The following KCNT2 variants were observed in gnomAD, a reference collection of about 807,000 sequenced individuals.
KCNT2 encodes the protein potassium channel subfamily T member 2.
KCNT2 carries 67 observed loss-of-function variants against 153.8 expected under a neutral mutation model. That is an observed-to-expected ratio of 0.44 (90% CI 0.36 to 0.53). The LOEUF (loss-of-function observed/expected upper bound fraction) is 0.53, where lower values mean the gene tolerates loss of function less well. Ranked by LOEUF, KCNT2 falls within the 20% of genes least tolerant of loss-of-function variation. KCNT2 has a pLI of 0.00. For synonymous variants in KCNT2, 500 were observed against 458.8 expected, an observed-to-expected ratio of 1.09 and a Z score of -1.15; for missense variants, 975 against 1,354.8, an observed-to-expected ratio of 0.72 and a Z score of 4.40.
intron 26 of KCNT2, among the ~76,000 whole-genome samples, chr1:196,248,612 C>T (rs1655661286): frequency 6.6e-6 from 1 of 152,046 alleles, no homozygotes; most frequent in African/African-American, 2.4e-5. Flanking sequence ...AATCCAAAAC[C>T]TAAACAGACC....
At chr1:196,537,146 GTC>G (rs1396640856) in intron 1 of KCNT2, among the ~76,000 whole-genome samples, 10 of 152,156 alleles carry the variant, frequency 6.6e-5, no homozygotes, top group Non-Finnish European at 1.2e-4. Flanking sequence ...TAGAAAGGTT[GTC>G]TCAGCCTCAT....
chr1:196,395,215 A>T (rs1670829387), intron 13 of KCNT2, among the ~76,000 whole-genome samples: 1 of 151,514 alleles, frequency 6.6e-6, no homozygotes, highest in South Asian at 2.1e-4. Context: ...GTTAGACTCT[A>T]AATGTTATTT....
At chr1:196,235,629 G>C (rs939393838) in intron 27 of KCNT2, among the ~76,000 whole-genome samples, 1 of 151,260 alleles carries the variant, frequency 6.6e-6, no homozygotes. Context: ...ACCAATCACA[G>C]TTTGGCTTTT....
At chr1:196,263,346 T>A (rs1657204822) in intron 25 of KCNT2, among the ~76,000 whole-genome samples, 1 of 152,048 alleles carries the variant, frequency 6.6e-6, no homozygotes, top group Non-Finnish European at 1.5e-5. Flanking sequence ...GGGACATGGA[T>A]GAAGCTGGAA....
intron 3 of KCNT2, 59 bp downstream of exon 3, chr1:196,489,779 G>A: frequency 1.1e-6 from 1 of 919,704 alleles, no homozygotes; most frequent in Non-Finnish European, 1.7e-6. Context: ...AATTTAAAAT[G>A]TGATACAACT....
At chr1:196,254,642 A>C (rs1656300946) in intron 26 of KCNT2, among the ~76,000 whole-genome samples, 1 of 151,548 alleles carries the variant, frequency 6.6e-6, no homozygotes, top group Non-Finnish European at 1.5e-5. Flanking sequence ...TGATGGTCTT[A>C]TTATTACTAC....
intron 22 of KCNT2, among the ~76,000 whole-genome samples, chr1:196,303,103 C>CAG (rs1182811571): frequency 6.6e-6 from 1 of 151,832 alleles, no homozygotes; most frequent in African/African-American, 2.4e-5. Flanking sequence ...TAAATCCTTT[C>CAG]TCTGTCAAAA....
intron 12 of KCNT2, among the ~76,000 whole-genome samples, chr1:196,416,416 A>G (rs1672756645): frequency 6.6e-6 from 1 of 152,074 alleles, no homozygotes; most frequent in Non-Finnish European, 1.5e-5. Context: ...AAAAGAAATT[A>G]GTGCATAGTA....
intron 12 of KCNT2, among the ~76,000 whole-genome samples, chr1:196,401,708 G>A (rs1671428901): frequency 6.6e-6 from 1 of 151,494 alleles, no homozygotes; most frequent in Non-Finnish European, 1.5e-5. Flanking sequence ...CGGTAAAAAG[G>A]TCTTACATAA....
At chr1:196,571,010 A>G (rs1191719681) in intron 1 of KCNT2, among the ~76,000 whole-genome samples, 1 of 152,100 alleles carries the variant, frequency 6.6e-6, no homozygotes, top group Non-Finnish European at 1.5e-5. Flanking sequence ...CCCATATGGC[A>G]GACTACCTAT....
chr1:196,562,740 C>A (rs1323854828), intron 1 of KCNT2, among the ~76,000 whole-genome samples: 1 of 151,282 alleles, frequency 6.6e-6, no homozygotes, highest in Non-Finnish European at 1.5e-5. Context: ...CTAATTACTC[C>A]CAAGGCAATT....
At chr1:196,408,009 T>C in intron 12 of KCNT2, among the ~76,000 whole-genome samples, 1 of 151,526 alleles carries the variant, frequency 6.6e-6, no homozygotes, top group South Asian at 2.1e-4. Context: ...TAGAAAATTT[T>C]CCATTATAAA....
intron 13 of KCNT2, among the ~76,000 whole-genome samples, chr1:196,377,388 A>G (rs1330465767): frequency 6.6e-6 from 1 of 151,866 alleles, no homozygotes; most frequent in Non-Finnish European, 1.5e-5. Flanking sequence ...TTATCAAATA[A>G]TTTTCTAATT....
At chr1:196,297,832 A>G (rs1660814101) in intron 22 of KCNT2, among the ~76,000 whole-genome samples, 1 of 152,232 alleles carries the variant, frequency 6.6e-6, no homozygotes, top group Non-Finnish European at 1.5e-5. Flanking sequence ...TAGTAGGACA[A>G]TGTGCTTTTG....
intron 1 of KCNT2, among the ~76,000 whole-genome samples, chr1:196,527,666 G>T (rs1039050672): frequency 2.0e-5 from 3 of 152,056 alleles, no homozygotes; most frequent in African/African-American, 7.2e-5. Flanking sequence ...GCATATGAAG[G>T]ATATATGCTT....
chr1:196,303,014 T>TA (rs772323541), intron 22 of KCNT2, among the ~76,000 whole-genome samples: 2,826 of 143,606 alleles, frequency 0.02, 65 homozygotes, highest in African/African-American at 0.062. Flanking sequence ...ATGCAAATCT[T>TA]AAAAAAAAAA....
At chr1:196,520,577 A>G (rs756186414) in intron 1 of KCNT2, among the ~76,000 whole-genome samples, 2 of 151,942 alleles carry the variant, frequency 1.3e-5, no homozygotes, top group Non-Finnish European at 2.9e-5. Flanking sequence ...AACCCAAAGC[A>G]TGGTACTGGC....
chr1:196,411,780 T>C (rs960860406), intron 12 of KCNT2, among the ~76,000 whole-genome samples: 1 of 151,804 alleles, frequency 6.6e-6, no homozygotes, highest in Non-Finnish European at 1.5e-5. Flanking sequence ...AAAATAGTTC[T>C]CCCTTATCCA....
chr1:196,281,089 G>T, intron 24 of KCNT2, 101 bp from the exon 25 acceptor site: 3 of 838,356 alleles, frequency 3.6e-6, no homozygotes, highest in South Asian at 3.3e-5. Flanking sequence ...GGGGGGCAGG[G>T]TCTCACTCTG....
Sources: allele counts gnomAD v4.1 joint callset (sites outside exome capture counted in the v4.1 genomes callset), GRCh38; gene constraint gnomAD v4.1.1; transcripts MANE v1.5; gene names NCBI Gene and HGNC (gene_info 2026-07-23, HGNC 2026-07-21).